Variants in ARHGAP6 observed in about 807,000 individuals in gnomAD.
ARHGAP6 encodes the protein rho GTPase-activating protein 6.
ARHGAP6 carries 16 observed loss-of-function variants against 55.7 expected under a neutral mutation model. The ratio of observed to expected loss-of-function variants is 0.29; its 90% CI spans 0.19 to 0.44. ARHGAP6 has a LOEUF of 0.44. Ranked by LOEUF, ARHGAP6 falls within the 20% of genes least tolerant of loss-of-function variation. The pLI, the probability that ARHGAP6 is intolerant of heterozygous loss-of-function variation, is 1.00. For missense variants in ARHGAP6, 698 were observed against 808.9 expected (o/e 0.86, Z 1.66); for synonymous variants, 382 against 360.9 (o/e 1.06, Z -0.66).
intron 1 of ARHGAP6, among the ~76,000 whole-genome samples, chrX:11,280,957 T>C (rs1172649069): frequency 1.8e-5 from 2 of 110,934 alleles, no homozygotes; most frequent in Admixed American, 1.9e-4. Flanking sequence ...CACCAAAATA[T>C]GTGTGCTAGA....
chrX:11,583,923 A>T (rs2051694341), intron 1 of ARHGAP6, among the ~76,000 whole-genome samples: 1 of 112,083 alleles, frequency 8.9e-6, no homozygotes, highest in African/African-American at 3.2e-5. Flanking sequence ...GTCTCATTAA[A>T]CTCAGGAGCA....
chrX:11,539,532 C>G (rs777585284), intron 1 of ARHGAP6, among the ~76,000 whole-genome samples: 18 of 112,037 alleles, frequency 1.6e-4, no homozygotes, highest in African/African-American at 5.5e-4. Flanking sequence ...GAATGACAGA[C>G]CCGCTAACCA....
intron 4 of ARHGAP6, 61 bp from the exon 5 acceptor site, chrX:11,186,492 C>A: frequency 1.1e-6 from 1 of 910,634 alleles, no homozygotes; most frequent in Non-Finnish European, 1.6e-6. Context: ...CAGCTGCCCC[C>A]AGATGCTAAC....
At chrX:11,323,917 T>C (rs1293961575) in intron 1 of ARHGAP6, among the ~76,000 whole-genome samples, 3 of 101,762 alleles carry the variant, frequency 2.9e-5, no homozygotes, top group African/African-American at 1.1e-4. Context: ...ATATTGAAGA[T>C]GAAGCCCACA....
intron 1 of ARHGAP6, among the ~76,000 whole-genome samples, chrX:11,357,315 A>T (rs2048943685): frequency 8.9e-6 from 1 of 112,065 alleles, no homozygotes; most frequent in Admixed American, 9.5e-5. Flanking sequence ...CACAAAGCAT[A>T]ATTCTTTATA....
intron 1 of ARHGAP6, among the ~76,000 whole-genome samples, chrX:11,469,078 C>T (rs1024078669): frequency 1.1e-4 from 12 of 112,625 alleles, no homozygotes; most frequent in African/African-American, 3.5e-4. Context: ...TTGGACTTCC[C>T]AGCCTCCAGA....
intron 1 of ARHGAP6, among the ~76,000 whole-genome samples, chrX:11,468,823 T>C (rs1220757994): frequency 8.9e-6 from 1 of 112,548 alleles, no homozygotes; most frequent in East Asian, 2.8e-4. Context: ...GCAATGAATG[T>C]TTGTATCCCT....
intron 1 of ARHGAP6, among the ~76,000 whole-genome samples, chrX:11,574,230 C>T (rs138199391): frequency 0.041 from 4,544 of 111,257 alleles, 241 homozygotes; most frequent in African/African-American, 0.14. Context: ...TTTTATGAGG[C>T]CAGCAGCATC....
At chrX:11,600,680 T>A (rs773978087) in intron 1 of ARHGAP6, among the ~76,000 whole-genome samples, 4 of 112,500 alleles carry the variant, frequency 3.6e-5, no homozygotes, top group Non-Finnish European at 5.6e-5. Context: ...CCAGTTGGGA[T>A]AACTCTGAGA....
At chrX:11,358,449 C>A (rs112392326) in intron 1 of ARHGAP6, among the ~76,000 whole-genome samples, 5,539 of 89,993 alleles carry the variant, frequency 0.062, 185 homozygotes, top group African/African-American at 0.13. Flanking sequence ...TTCTTTCTTT[C>A]TTTCTTTCTT....
chrX:11,471,807 C>A (rs1002326236), intron 1 of ARHGAP6, among the ~76,000 whole-genome samples: 1 of 111,618 alleles, frequency 9.0e-6, no homozygotes, highest in Admixed American at 9.5e-5. Context: ...GATACAGGGC[C>A]TACCTCAAAC....
chrX:11,310,413 T>C (rs1214130305), intron 1 of ARHGAP6, among the ~76,000 whole-genome samples: 2 of 111,137 alleles, frequency 1.8e-5, no homozygotes, highest in East Asian at 2.8e-4. Context: ...TTATTCTTAA[T>C]AGTCAAACAG....
chrX:11,315,970 C>G (rs928453411), intron 1 of ARHGAP6, among the ~76,000 whole-genome samples: 4 of 111,748 alleles, frequency 3.6e-5, no homozygotes, highest in Non-Finnish European at 7.5e-5. Flanking sequence ...CTATAGTGTT[C>G]CCCATCTAAG....
At chrX:11,298,347 A>C (rs1383632458) in intron 1 of ARHGAP6, 10 of 1,128,181 alleles carry the variant, frequency 8.9e-6, no homozygotes, top group Non-Finnish European at 1.2e-5. Context: ...TATTAAGTGA[A>C]ATATCATGTC....
chrX:11,457,866 A>T (rs1464574324), intron 1 of ARHGAP6, among the ~76,000 whole-genome samples: 1 of 112,106 alleles, frequency 8.9e-6, no homozygotes, highest in East Asian at 2.8e-4. Flanking sequence ...TCATTAACAT[A>T]GCTTCTATTA....
intron 1 of ARHGAP6, among the ~76,000 whole-genome samples, chrX:11,458,655 T>C (rs779026798): frequency 2.7e-5 from 3 of 111,941 alleles, no homozygotes; most frequent in Non-Finnish European, 5.6e-5. Context: ...TATGTGATAA[T>C]ATAAATAAAG....
At chrX:11,407,040 A>G (rs910866457) in intron 1 of ARHGAP6, among the ~76,000 whole-genome samples, 1 of 111,562 alleles carries the variant, frequency 9.0e-6, no homozygotes, top group Non-Finnish European at 1.9e-5. Context: ...GTTTGATTAA[A>G]TGGTTTTCAG....
At chrX:11,289,844 G>A (rs2047964920) in intron 1 of ARHGAP6, among the ~76,000 whole-genome samples, 1 of 111,212 alleles carries the variant, frequency 9.0e-6, no homozygotes, top group African/African-American at 3.3e-5. Flanking sequence ...AATAAGCTGG[G>A]CATGGTGGCA....
At chrX:11,497,542 C>T (rs1569367291) in intron 1 of ARHGAP6, among the ~76,000 whole-genome samples, 1 of 67,004 alleles carries the variant, frequency 1.5e-5, no homozygotes, top group African/African-American at 5.4e-5. Context: ...TCCTCCCACC[C>T]CCTTCCCCCT....
Sources: allele counts gnomAD v4.1 joint callset (sites outside exome capture counted in the v4.1 genomes callset), GRCh38; gene constraint gnomAD v4.1.1; transcripts MANE v1.5; gene names NCBI Gene and HGNC (gene_info 2026-07-23, HGNC 2026-07-21).